Variants in PRR5 observed in about 807,000 individuals in gnomAD.
PRR5 encodes the protein proline rich 5.
PRR5 carries 25 observed loss-of-function variants against 30.6 expected under a neutral mutation model. That is an observed-to-expected ratio of 0.82 (90% CI 0.60 to 1.14). The LOEUF is 1.14. PRR5 is among the 50% of genes most tolerant of loss of function. PRR5 has a pLI of 0.00. For synonymous variants in PRR5, 286 were observed against 247.1 expected (o/e 1.16, Z -1.48); for missense variants, 600 against 547.1 (o/e 1.10, Z -0.96).
chr22:44,734,850 G>A (rs1922900809), intron 6 of PRR5, 177 bp from the exon 7 acceptor site: 1 of 799,916 alleles, frequency 1.3e-6, no homozygotes, highest in Admixed American at 2.8e-5. Context: ...CAGGCCACAT[G>A]CTCTGAGAGG....
At chr22:44,673,206 G>C (rs1219047683), upstream of PRR5, among the ~76,000 whole-genome samples, 1 of 152,226 alleles carries the variant, frequency 6.6e-6, no homozygotes, top group Non-Finnish European at 1.5e-5. Flanking sequence ...CCCCCACTTA[G>C]TGCCAGAAGA....
In PRR5 at chr22:44,732,111, C is replaced by T. The variant is rs1602092401; in HGVS notation, c.415-140C>T. On this transcript the variant is annotated intron_variant, in intron 5 of 7. Transcript: ENST00000336985. ...CTGAAGGGGCCCTCTATCCTTGGGACGGGGTCATCTGAGGAGAACGGGGTG... is the reference window on the plus strand; with the variant it reads ...CTGAAGGGGCCCTCTATCCTTGGGATGGGGTCATCTGAGGAGAACGGGGTG... The T allele has an allele frequency of 1.2e-5, 16 of 1,352,152 alleles. No individual in the cohort carries two copies. The South Asian group carries it at 1.2e-4, about 10-fold the overall frequency. The allele number at this position is 1,352,152 out of a possible 1,614,324, so 83.8% of individuals were successfully genotyped here. A position where few individuals can be genotyped will look rare whatever the true frequency, so the allele number is the denominator to read the frequency against.
At position 44,691,684 on chromosome 22, in the gene PRR5, G is replaced by A. The variant is rs1925252249; in HGVS notation, c.-10-10808G>A. Among the ~76,000 whole-genome samples the A allele has an allele frequency of 1.3e-5, 2 of 152,156 alleles. No individual in the cohort carries two copies. The highest frequency in any genetic ancestry group is 1.3e-4 in the Admixed American group (2 of 15,270). ...AGCTACTCAGGAGGCTGAGGAAGGAGAATCGCTTGAACCTGGGAGGTAGAG... is the reference window on the plus strand; with the variant it reads ...AGCTACTCAGGAGGCTGAGGAAGGAAAATCGCTTGAACCTGGGAGGTAGAG... On this transcript the variant is annotated intron_variant, in intron 1 of 8. Transcript: ENST00000006251. The surrounding 1 kb of genome is among the most constrained non-coding windows in gnomAD (Gnocchi z 4.4).
chr22:44,718,020 G>T (rs1291153642), intron 2 of PRR5, among the ~76,000 whole-genome samples: 1 of 151,892 alleles, frequency 6.6e-6, no homozygotes, highest in Admixed American at 6.6e-5. Flanking sequence ...CAGCCTGCCT[G>T]CTTCGCTTCT....
chr22:44,686,820 G>A (rs1409067953), intron 1 of PRR5, among the ~76,000 whole-genome samples: 1 of 152,154 alleles, frequency 6.6e-6, no homozygotes, highest in East Asian at 1.9e-4. Context: ...TGCCATGCTG[G>A]CCAGGCAGGT....
chr22:44,688,240 C>T (rs766012503), intron 1 of PRR5, among the ~76,000 whole-genome samples: 2 of 151,722 alleles, frequency 1.3e-5, no homozygotes, highest in Non-Finnish European at 2.9e-5. Flanking sequence ...AAAAATTAGC[C>T]GGGTGTGGTG....
intron 6 of PRR5, among the ~76,000 whole-genome samples, chr22:44,732,783 GCA>G (rs1491066518): frequency 2.1e-5 from 3 of 143,666 alleles, no homozygotes; most frequent in Non-Finnish European, 3.0e-5. Context: ...CTGTGTGCAC[GCA>G]CATACTACAT....
chr22:44,670,465 C>A (rs911461891), intron 1 of PRR5, among the ~76,000 whole-genome samples: 1 of 152,146 alleles, frequency 6.6e-6, no homozygotes. Context: ...TGAAAACTGG[C>A]GATCATCATA....
intron 4 of PRR5, chr22:44,729,711 G>C (rs1413122110): frequency 2.2e-5 from 22 of 985,494 alleles, no homozygotes; most frequent in Non-Finnish European, 2.5e-5. Flanking sequence ...ACAGCCGCGA[G>C]GCTGCCCTTC....
At chr22:44,708,211 A>G (rs1325680247) in intron 1 of PRR5, among the ~76,000 whole-genome samples, 2 of 152,092 alleles carry the variant, frequency 1.3e-5, no homozygotes, top group Non-Finnish European at 2.9e-5. Context: ...AAAAACAACA[A>G]ACAAAAAACA....
intron 1 of PRR5, among the ~76,000 whole-genome samples, chr22:44,707,668 C>A (rs970585439): frequency 2.0e-5 from 3 of 152,220 alleles, no homozygotes; most frequent in Admixed American, 1.3e-4. Flanking sequence ...TGAGCCAGTG[C>A]CCCGCCAGTT....
chr22:44,683,442 C>G (rs1439555235), intron 1 of PRR5, among the ~76,000 whole-genome samples: 1 of 152,114 alleles, frequency 6.6e-6, no homozygotes, highest in Non-Finnish European at 1.5e-5. Flanking sequence ...CCCAGAACCA[C>G]AAGACAGAGG....
chr22:44,729,454 C>T (rs1921507815), intron 4 of PRR5: 1 of 985,344 alleles, frequency 1.0e-6, no homozygotes, highest in African/African-American at 1.7e-5. Flanking sequence ...GCCCCTGCTA[C>T]TGCCAGGCTG....
At chr22:44,697,745 C>G (rs1423977968), upstream of PRR5, among the ~76,000 whole-genome samples, 1 of 152,234 alleles carries the variant, frequency 6.6e-6, no homozygotes, top group Non-Finnish European at 1.5e-5. Flanking sequence ...CCAGCCTCAG[C>G]TCCCCCACTT....
At chr22:44,730,305 G>T (rs1476815839) in intron 4 of PRR5, 14 of 985,174 alleles carry the variant, frequency 1.4e-5, no homozygotes, top group South Asian at 4.7e-5. Flanking sequence ...ACTCAGAGGC[G>T]CCCACACCAA....
At chr22:44,721,792 G>A (rs552017043) in intron 2 of PRR5, among the ~76,000 whole-genome samples, 2 of 152,288 alleles carry the variant, frequency 1.3e-5, no homozygotes, top group Admixed American at 6.5e-5. Context: ...GTCACATGGC[G>A]TGCTAGCAAG....
chr22:44,676,906 C>T (rs1923811340), upstream of PRR5: 1 of 152,250 alleles, frequency 6.6e-6, no homozygotes, highest in South Asian at 2.1e-4. Flanking sequence ...AGCTGGGCTT[C>T]CCTGCATAGG....
At chr22:44,732,188 G>C in intron 5 of PRR5, 63 bp from the exon 6 acceptor site, 3 of 1,588,356 alleles carry the variant, frequency 1.9e-6, no homozygotes. Context: ...CCCAGGACCG[G>C]GAGAGGGGAG....
chr22:44,717,374 T>C (rs534132528), intron 2 of PRR5, among the ~76,000 whole-genome samples: 1 of 151,998 alleles, frequency 6.6e-6, no homozygotes, highest in East Asian at 2.0e-4. Flanking sequence ...ATATTTTTAG[T>C]AGAGACGGGG....
Sources: allele counts gnomAD v4.1 joint callset (sites outside exome capture counted in the v4.1 genomes callset), GRCh38; gene constraint gnomAD v4.1.1; non-coding constraint Gnocchi (gnomAD v3.1); transcripts MANE v1.5; gene names NCBI Gene and HGNC (gene_info 2026-07-23, HGNC 2026-07-21).